The following GK variants were observed in gnomAD, a reference collection of about 807,000 sequenced individuals.
The protein encoded by GK is glycerol kinase, also known as ATP:glycerol 3-phosphotransferase.
GK carries 9 observed loss-of-function variants against 56.4 expected under a neutral mutation model. The observed-to-expected ratio is 0.16, with a 90% confidence interval of 0.10 to 0.28. The LOEUF is 0.28. Ranked by LOEUF, GK falls within the 10% of genes least tolerant of loss-of-function variation. The pLI, the probability that GK is intolerant of heterozygous loss-of-function variation, is 1.00. For synonymous variants in GK, 104 were observed against 144.1 expected (o/e 0.72, Z 1.99); for missense variants, 161 against 431.4 (o/e 0.37, Z 5.55).
chrX:30,662,809 TTCTCTCTC>T (rs368743449), intron 1 of GK, among the ~76,000 whole-genome samples: 14 of 62,289 alleles, frequency 2.2e-4, no homozygotes, highest in African/African-American at 7.0e-4. Flanking sequence ...CCTTCCTTCC[TTCTCTCTC>T]TCTCTCTCTC....
At chrX:30,698,701 C>A (rs868271957) in intron 9 of GK, among the ~76,000 whole-genome samples, 88 of 81,103 alleles carry the variant, frequency 1.1e-3, no homozygotes, top group Middle Eastern at 0.013. Flanking sequence ...GACTCCGTCT[C>A]AAAAAAAAAA....
intron 4 of GK, among the ~76,000 whole-genome samples, chrX:30,690,630 C>G (rs771513216): frequency 2.7e-5 from 3 of 111,322 alleles, no homozygotes; most frequent in Non-Finnish European, 5.7e-5. Flanking sequence ...ACATAACAGA[C>G]GGAATCTTTT....
At chrX:30,655,027 G>GTGCC (rs1932153479) in intron 1 of GK, among the ~76,000 whole-genome samples, 1 of 111,985 alleles carries the variant, frequency 8.9e-6, no homozygotes, top group African/African-American at 3.2e-5. Context: ...AACTGCATTT[G>GTGCC]TGCTTTGATC....
At chrX:30,706,414 T>G (rs1200150392) in intron 11 of GK, among the ~76,000 whole-genome samples, 2 of 112,049 alleles carry the variant, frequency 1.8e-5, no homozygotes, top group African/African-American at 6.5e-5. Context: ...CATCTTTCAG[T>G]TGCTGGAATG....
At chrX:30,715,038 G>A (rs750360579) in intron 13 of GK, among the ~76,000 whole-genome samples, 6 of 111,675 alleles carry the variant, frequency 5.4e-5, no homozygotes, top group East Asian at 2.8e-4. Flanking sequence ...AATCATATAC[G>A]TACAGATACA....
intron 2 of GK, among the ~76,000 whole-genome samples, chrX:30,667,457 C>A (rs1215791229): frequency 9.0e-6 from 1 of 111,629 alleles, no homozygotes; most frequent in African/African-American, 3.3e-5. Flanking sequence ...AGAACTTGGA[C>A]CAATCACTTA....
chrX:30,678,122 A>G (rs1934038662), intron 4 of GK: 3 of 491,262 alleles, frequency 6.1e-6, no homozygotes, highest in Non-Finnish European at 1.1e-5. Context: ...TCATTTTTCT[A>G]TAAAGTACTT....
At chrX:30,670,233 A>T (rs1933387853) in intron 3 of GK, among the ~76,000 whole-genome samples, 1 of 112,139 alleles carries the variant, frequency 8.9e-6, no homozygotes. Context: ...GGCAGCTTAA[A>T]GCCATGTTTA....
chrX:30,670,172 G>A (rs1262113715), intron 3 of GK, among the ~76,000 whole-genome samples: 1 of 111,638 alleles, frequency 9.0e-6, no homozygotes, highest in East Asian at 2.8e-4. Context: ...ACAAATAATA[G>A]GCAATCAGTA....
At chrX:30,680,674 A>T (rs1213287886) in intron 4 of GK, among the ~76,000 whole-genome samples, 1 of 112,275 alleles carries the variant, frequency 8.9e-6, no homozygotes, top group African/African-American at 3.2e-5. Flanking sequence ...GCCCAGAGAC[A>T]TAAGCCTAGC....
chrX:30,675,983 G>T (rs748945654), intron 3 of GK, among the ~76,000 whole-genome samples: 1 of 112,010 alleles, frequency 8.9e-6, no homozygotes, highest in East Asian at 2.8e-4. Flanking sequence ...TAGAGACAGG[G>T]TTTTGCCATG....
chrX:30,720,818 C>T (rs957211917), intron 17 of GK, 34 bp from the exon 18 acceptor site: 5 of 1,209,390 alleles, frequency 4.1e-6, no homozygotes, highest in Non-Finnish European at 5.6e-6. Flanking sequence ...GCATATGTAA[C>T]CACAAAGATA....
chrX:30,666,325 C>G (rs774270164), intron 2 of GK, among the ~76,000 whole-genome samples: 1 of 111,884 alleles, frequency 8.9e-6, no homozygotes, highest in African/African-American at 3.2e-5. Flanking sequence ...TGCACCAACA[C>G]AAGGGAATGT....
Position 30,730,065 on chromosome X carries a change from C to T in GK, c.*1323C>T, listed in dbSNP as rs1208507680. 2 of 111,957 alleles carry T rather than the reference C, an allele frequency of 1.8e-5. No individual in the cohort carries two copies. The highest frequency in any genetic ancestry group is 6.5e-5 in the African/African-American group (2 of 30,828). The allele number at this position is 111,957 out of a possible 1,213,427, so 9.2% of individuals were successfully genotyped here. The stretch of plus-strand genomic sequence containing the variant: ...AAGGTTTATCATTACAAATACCTTC[C>T]AATGAAACCAAGAATTTCTCAAAAT... On this transcript the variant is annotated 3_prime_UTR_variant, in exon 21 of 21. Coordinates refer to ENST00000427190, the MANE Select transcript of GK (RefSeq NM_001205019.2).
chrX:30,690,501 A>G (rs747454459), intron 4 of GK, among the ~76,000 whole-genome samples: 5 of 111,949 alleles, frequency 4.5e-5, no homozygotes, highest in Admixed American at 1.9e-4. Context: ...TGATCCATTA[A>G]AATGGAGATT....
chrX:30,712,228 C>T (rs1056632277), intron 13 of GK, among the ~76,000 whole-genome samples: 5 of 111,637 alleles, frequency 4.5e-5, no homozygotes, highest in Non-Finnish European at 9.4e-5. Context: ...GAGTTGTTTT[C>T]AGTATTTGGC....
At chrX:30,696,291 G>A (rs941606218) in intron 7 of GK, 140 bp downstream of exon 7, 73 of 489,207 alleles carry the variant, frequency 1.5e-4, no homozygotes, top group Non-Finnish European at 2.5e-4. Flanking sequence ...TCTATGTTAT[G>A]TGTTTTTTAA....
At chrX:30,677,991 C>A in intron 4 of GK, 1 of 550,358 alleles carries the variant, frequency 1.8e-6, no homozygotes, top group Admixed American at 2.4e-5. Flanking sequence ...TCTCCTCTTG[C>A]AGATTGTCTT....
intron 9 of GK, among the ~76,000 whole-genome samples, chrX:30,698,813 C>T (rs1245401679): frequency 3.2e-5 from 3 of 94,998 alleles, no homozygotes; most frequent in Non-Finnish European, 6.1e-5. Context: ...TTGTGGTGAG[C>T]CGAGATGGTG....
Sources: allele counts gnomAD v4.1 joint callset (sites outside exome capture counted in the v4.1 genomes callset), GRCh38; gene constraint gnomAD v4.1.1; transcripts MANE v1.5; gene names NCBI Gene and HGNC (gene_info 2026-07-23, HGNC 2026-07-21).